The following RAD51 variants were observed in gnomAD, a reference collection of about 807,000 sequenced individuals.
RAD51 encodes the protein RAD51 recombinase.
In RAD51, 14 loss-of-function variants were observed where a neutral mutation model predicts 41.5. That is an observed-to-expected ratio of 0.34 (90% CI 0.22 to 0.53). RAD51 has a LOEUF of 0.53. RAD51 is among the 20% of genes least tolerant of loss of function. The probability of loss-of-function intolerance (pLI) is 0.95; values close to 1 mark genes in which losing one functional copy is unlikely to be tolerated. For synonymous variants in RAD51, 136 were observed against 148.6 expected, an observed-to-expected ratio of 0.92 and a Z score of 0.62; for missense variants, 234 against 422.0, an observed-to-expected ratio of 0.55 and a Z score of 3.90.
chr15:40,711,811 A>T (rs1245060498), intron 5 of RAD51, among the ~76,000 whole-genome samples: 1 of 152,208 alleles, frequency 6.6e-6, no homozygotes, highest in Non-Finnish European at 1.5e-5. Flanking sequence ...ATGATAGCTC[A>T]CACCTGTAAT....
rs761702755 is a variant in RAD51, at chr15:40,729,520, T to C, written c.660T>C (p.Ile220=). The change falls in exon 8 of 10, where the codon ATT becomes ATC. Residue 220 remains isoleucine (I), a synonymous_variant. Transcript: ENST00000267868. ...TTTCCTGTAGGTATGCACTGCTTAT[T>C]GTAGACAGTGCCACCGCCCTTTACA... The part of the protein sequence containing the change: ...MMVESRYALL[I]VDSATALYRT... 4 of 1,613,964 alleles carry C rather than the reference T, an allele frequency of 2.5e-6. No homozygotes were observed. Among genetic ancestry groups the C allele is most frequent in the Non-Finnish European group, 3.4e-6 (4 of 1,179,914 alleles).
At chr15:40,716,739 C>T (rs1045061236) in intron 5 of RAD51, among the ~76,000 whole-genome samples, 2 of 146,994 alleles carry the variant, frequency 1.4e-5, no homozygotes, top group African/African-American at 5.0e-5. Context: ...CGGCTCACTG[C>T]AAGCTCTGCC....
intron 6 of RAD51, among the ~76,000 whole-genome samples, chr15:40,722,035 AAGGT>A (rs2141864387): frequency 6.6e-6 from 1 of 152,346 alleles, no homozygotes; most frequent in South Asian, 2.1e-4. Context: ...TGCAGATAAA[AAGGT>A]AGGAAATTCT....
chr15:40,726,929 G>A lies in RAD51; in HGVS notation c.531-1782G>A, dbSNP rs867312373. The stretch of plus-strand genomic sequence containing the variant: ...CTCCGTCTCAAAAAAAAAAAAAAAA[G>A]AGGATGGTATTTCCAGCCAACTTGT... On this transcript the variant is annotated intron_variant, in intron 6 of 9. Coordinates refer to ENST00000267868, the MANE Select transcript of RAD51 (RefSeq NM_002875.5). Among the ~76,000 whole-genome samples, 9 of 129,570 alleles carry A rather than the reference G, an allele frequency of 6.9e-5. No homozygotes were observed. The Middle Eastern group carries it at 0.012, about 174-fold the overall frequency. 85.0% of individuals were successfully genotyped at this position (129,570 alleles called of 152,430 possible). A position where few individuals can be genotyped will look rare whatever the true frequency, so the allele number is the denominator to read the frequency against.
At chr15:40,701,584 G>C (rs1894998495) in intron 3 of RAD51, among the ~76,000 whole-genome samples, 1 of 151,576 alleles carries the variant, frequency 6.6e-6, no homozygotes, top group Non-Finnish European at 1.5e-5. Flanking sequence ...ACCTACCTCA[G>C]CCTCCCAAAG....
chr15:40,718,889 G>A lies in RAD51; in HGVS notation c.520G>A (p.Val174Met), dbSNP rs1381595625. 1 of 1,609,548 alleles carries A rather than the reference G, an allele frequency of 6.2e-7. No homozygotes were observed. The highest frequency in any genetic ancestry group is 2.2e-5 in the East Asian group (1 of 44,852). The change falls in exon 6 of 10, where the codon GTG becomes ATG. Residue 174 changes from valine (V) to methionine (M), a missense_variant. Coordinates refer to ENST00000267868, the MANE Select transcript of RAD51 (RefSeq NM_002875.5). ...GTFRPERLLA[V>M]AERYGLSGSD... ...CTTTAGGCCAGAACGGCTGCTGGCAGTGGCTGAGAGGTAGGTTACTGGTTT... is the reference window on the plus strand; with the variant it reads ...CTTTAGGCCAGAACGGCTGCTGGCAATGGCTGAGAGGTAGGTTACTGGTTT...
chr15:40,696,752 A>G (rs1026968087), intron 1 of RAD51, among the ~76,000 whole-genome samples: 3 of 152,152 alleles, frequency 2.0e-5, no homozygotes, highest in African/African-American at 7.2e-5. Context: ...TCGTTGTTTC[A>G]CATGCTTGCC....
intron 6 of RAD51, among the ~76,000 whole-genome samples, chr15:40,722,682 T>G (rs1472736174): frequency 3.3e-5 from 5 of 152,192 alleles, no homozygotes; most frequent in Non-Finnish European, 5.9e-5. Flanking sequence ...GTTATATGTG[T>G]ACGTTTTACT....
chr15:40,704,786 C>T (rs1895232388), intron 3 of RAD51, among the ~76,000 whole-genome samples: 2 of 151,778 alleles, frequency 1.3e-5, no homozygotes, highest in African/African-American at 4.8e-5. Context: ...TCTTCCACCT[C>T]AGCCTCCCGA....
At chr15:40,707,597 A>AG (rs1895431880) in intron 4 of RAD51, among the ~76,000 whole-genome samples, 1 of 150,970 alleles carries the variant, frequency 6.6e-6, no homozygotes, top group African/African-American at 2.4e-5. Flanking sequence ...GTGAGCCATC[A>AG]TGCCTGGCCC....
chr15:40,729,058 T>G (rs1896732287), intron 7 of RAD51, among the ~76,000 whole-genome samples: 1 of 152,146 alleles, frequency 6.6e-6, no homozygotes, highest in South Asian at 2.1e-4. Context: ...ATGTTAGTAC[T>G]GTGCAAATAT....
rs558530543 is a variant in RAD51 at position 40,729,605 on chromosome 15, C to T, written c.745C>T (p.Leu249=). The change falls in exon 8 of 10, where the codon CTG becomes TTG. Residue 249 remains leucine, a synonymous_variant. Transcript: ENST00000267868. ...SARQMHLARF[L]RMLLRLADEF... is the part of the protein sequence containing the mutation. Reference sequence around the variant, plus strand: ...CAGGCAGATGCACTTGGCCAGGTTTCTGCGGATGCTTCTGCGACTCGCTGA... The same window carrying T: ...CAGGCAGATGCACTTGGCCAGGTTTTTGCGGATGCTTCTGCGACTCGCTGA... The T allele has an allele frequency of 1.9e-6, 3 of 1,614,008 alleles. No individual in the cohort carries two copies. The South Asian group carries it at 3.3e-5, about 18-fold the overall frequency.
chr15:40,710,114 T>C (rs554816236), intron 5 of RAD51, among the ~76,000 whole-genome samples: 4 of 151,264 alleles, frequency 2.6e-5, no homozygotes, highest in African/African-American at 9.7e-5. Context: ...TGGTGGCGGG[T>C]GCCTGTAGTC....
At position 40,731,740 on chromosome 15, in the gene RAD51, C is replaced by T; in HGVS notation, c.*562C>T. 4.5e-6 allele frequency: 1 copy of T among 222,582 alleles called. No individual in the cohort carries two copies. Among genetic ancestry groups the T allele is most frequent in the Non-Finnish European group, 9.0e-6 (1 of 111,062 alleles). 13.8% of individuals were successfully genotyped at this position (222,582 alleles called of 1,614,324 possible). ...CCATTAGCCCTTCACCATCTACCTG[C>T]TTGGTCTTTCATTGCTAAGACTAAC... On this transcript the variant is annotated 3_prime_UTR_variant, in exon 10 of 10. Coordinates refer to ENST00000267868, the MANE Select transcript of RAD51 (RefSeq NM_002875.5).
chr15:40,698,797 T>G lies in RAD51; in HGVS notation c.39T>G (p.Thr13=). The change falls in exon 2 of 10, where the codon ACT becomes ACG. Residue 13 remains threonine (T), a synonymous_variant. Transcript: ENST00000267868. ...MQMQLEANAD[T]SVEEESFGPQ... ...TGCAGCTTGAAGCAAATGCAGATAC[T>G]TCAGTGGAAGAAGAAAGCTTTGGCC... The G allele has an allele frequency of 6.2e-7, 1 of 1,614,218 alleles. No individual in the cohort carries two copies. Among genetic ancestry groups the G allele is most frequent in the Non-Finnish European group, 8.5e-7 (1 of 1,180,036 alleles).
intron 6 of RAD51, among the ~76,000 whole-genome samples, chr15:40,722,116 A>G (rs1299303148): frequency 6.6e-6 from 1 of 152,218 alleles, no homozygotes; most frequent in East Asian, 1.9e-4. Flanking sequence ...TAGTCACAAA[A>G]GGACAAAAAC....
At chr15:40,702,967 C>T (rs1870580546) in intron 3 of RAD51, among the ~76,000 whole-genome samples, 1 of 152,190 alleles carries the variant, frequency 6.6e-6, no homozygotes, top group Non-Finnish European at 1.5e-5. Flanking sequence ...GGACTATAGG[C>T]ACATGCCACT....
chr15:40,716,657 C>CTTTTTTTTTTT (rs34860677), intron 5 of RAD51, among the ~76,000 whole-genome samples: 1 of 88,152 alleles, frequency 1.1e-5, no homozygotes, highest in Admixed American at 1.5e-4. Flanking sequence ...CTCTCTACTT[C>CTTTTTTTTTTT]TTTTTTTTTT....
chr15:40,709,975 A>T (rs1324942217), intron 5 of RAD51, among the ~76,000 whole-genome samples: 1 of 150,864 alleles, frequency 6.6e-6, no homozygotes, highest in Admixed American at 6.6e-5. Flanking sequence ...GGGCGCGGTG[A>T]CTCACGCCTG....
Sources: allele counts gnomAD v4.1 joint callset (sites outside exome capture counted in the v4.1 genomes callset), GRCh38; gene constraint gnomAD v4.1.1; transcripts MANE v1.5; gene names NCBI Gene and HGNC (gene_info 2026-07-23, HGNC 2026-07-21).